The following CCDC117 variants were observed in gnomAD, a reference collection of about 807,000 sequenced individuals.
CCDC117 encodes the protein coiled-coil domain containing 117.
Under a neutral mutation model 23.5 loss-of-function variants are expected in CCDC117, and 1 was observed. That is an observed-to-expected ratio of 0.04 (90% confidence interval 0.02 to 0.20). The LOEUF (loss-of-function observed/expected upper bound fraction) is 0.20, where lower values mean the gene tolerates loss of function less well. CCDC117 is among the 10% of genes least tolerant of loss of function. The pLI is 1.00. For synonymous variants in CCDC117, 132 were observed against 124.8 expected (o/e 1.06, Z -0.39); for missense variants, 383 against 348.2 (o/e 1.10, Z -0.80).
intron 2 of CCDC117, among the ~76,000 whole-genome samples, chr22:28,777,125 G>T (rs1042513241): frequency 6.9e-6 from 1 of 144,698 alleles, no homozygotes; most frequent in African/African-American, 2.6e-5. Flanking sequence ...CACAACCTCT[G>T]CCTCCCGTGT....
chr22:28,772,845 C>G lies in CCDC117; in HGVS notation c.-5C>G. On this transcript the variant is annotated 5_prime_UTR_variant, in exon 1 of 5. Coordinates refer to ENST00000249064, the MANE Select transcript of CCDC117 (RefSeq NM_173510.4). ...CGCCGTCGCAGCCTCCTCGTCTCGC[C>G]GGCTATGGCTGCGCTCGGCCGGCCC... 4 of 1,226,888 alleles carry G rather than the reference C, an allele frequency of 3.3e-6. No homozygotes were observed. The highest frequency in any genetic ancestry group is 4.1e-6 in the Non-Finnish European group (4 of 984,410). 76.0% of individuals were successfully genotyped at this position (1,226,888 alleles called of 1,614,324 possible). A position where few individuals can be genotyped will look rare whatever the true frequency, so the allele number is the denominator to read the frequency against.
At position 28,772,808 on chromosome 22, in the gene CCDC117, G is replaced by A; in HGVS notation, c.-42G>A. ...TGCGGCTGCCGGGCCTGGGGACGCGGGCGGCCGAGGCCGCCGTCGCAGCCT... is the reference window on the plus strand; with the variant it reads ...TGCGGCTGCCGGGCCTGGGGACGCGAGCGGCCGAGGCCGCCGTCGCAGCCT... On this transcript the variant is annotated 5_prime_UTR_variant, in exon 1 of 5. Transcript: ENST00000249064. 3 of 1,218,462 alleles carry A rather than the reference G, an allele frequency of 2.5e-6. No homozygotes were observed. The highest frequency in any genetic ancestry group is 4.1e-5 in the South Asian group (1 of 24,686). 75.5% of individuals were successfully genotyped at this position (1,218,462 alleles called of 1,614,324 possible).
intron 2 of CCDC117, among the ~76,000 whole-genome samples, chr22:28,778,611 C>T (rs2031237582): frequency 6.6e-6 from 1 of 152,154 alleles, no homozygotes; most frequent in African/African-American, 2.4e-5. Context: ...CTGTGGATAA[C>T]ACAGGAAACT....
chr22:28,777,146 C>G (rs562266599), intron 2 of CCDC117, among the ~76,000 whole-genome samples: 26 of 148,694 alleles, frequency 1.7e-4, no homozygotes, highest in African/African-American at 5.9e-4. Context: ...TCAAGTGATT[C>G]TCCTGCCTCA....
chr22:28,781,161 G>C lies in CCDC117; in HGVS notation c.453G>C (p.Glu151Asp). 1 of 1,611,346 alleles carries C rather than the reference G, an allele frequency of 6.2e-7. No individual in the cohort carries two copies. The highest frequency in any genetic ancestry group is 1.1e-5 in the South Asian group (1 of 90,960). ...AAGTTGCCCGAAGGAAGCTTCAGGA[G>C]ATTGAGGACAGGTAAATGGGCAGTG... is the stretch of plus-strand genomic sequence containing the variant. ...QCEVARRKLQ[E>D]IEDRIIDEDE... is the part of the protein sequence containing the mutation. Residue 151 changes from glutamate (E) to aspartate (D), a missense_variant, in exon 3 of 5, where the codon GAG (glutamate) becomes GAC (aspartate). By Grantham distance (45) the Glu-to-Asp change is conservative. Transcript: ENST00000249064.
intron 3 of CCDC117, 130 bp downstream of exon 3, chr22:28,781,302 T>A: frequency 1.9e-6 from 1 of 513,080 alleles, no homozygotes. Context: ...AGTCAGATAA[T>A]TCAAAGTGTA....
intron 2 of CCDC117, among the ~76,000 whole-genome samples, chr22:28,774,930 A>G (rs931105712): frequency 1.3e-5 from 2 of 152,092 alleles, no homozygotes; most frequent in Non-Finnish European, 2.9e-5. Context: ...CTTGTTGCAT[A>G]TCAGCACATA....
intron 2 of CCDC117, 59 bp downstream of exon 2, chr22:28,773,837 A>T: frequency 1.5e-6 from 2 of 1,298,516 alleles, no homozygotes; most frequent in Admixed American, 3.4e-5. Flanking sequence ...CCCCTGTTAT[A>T]GTCTAAATTA....
chr22:28,772,733 GGGGTCGAGAGCGGGA>G lies in CCDC117; in HGVS notation c.-116_-102del, dbSNP rs1267318960. 5.1e-6 allele frequency: 4 copies of G among 789,326 alleles called. No homozygotes were observed. The highest frequency in any genetic ancestry group is 1.8e-5 in the African/African-American group (1 of 55,080). 48.9% of individuals were successfully genotyped at this position (789,326 alleles called of 1,614,324 possible). A position where few individuals can be genotyped will look rare whatever the true frequency, so the allele number is the denominator to read the frequency against. ...TGGAGGGTTCTAGAAGGCGTGACGT[GGGGTCGAGAGCGGGA>G]TCCGAGGCTGGCGGGTTTTGGCAGT... On this transcript the variant is annotated 5_prime_UTR_variant, in exon 1 of 5. Transcript: ENST00000249064.
At chr22:28,783,342 G>C (rs941639995) in intron 3 of CCDC117, among the ~76,000 whole-genome samples, 166 bp from the exon 4 acceptor site, 1 of 152,098 alleles carries the variant, frequency 6.6e-6, no homozygotes, top group Non-Finnish European at 1.5e-5. Context: ...CACCCGGCCT[G>C]AGTATACCTT....
Position 28,772,703 on chromosome 22 carries a change from T to G in CCDC117, c.-147T>G. 1 of 548,494 alleles carries G rather than the reference T, an allele frequency of 1.8e-6. No homozygotes were observed. Among genetic ancestry groups the G allele is most frequent in the Non-Finnish European group, 2.7e-6 (1 of 373,038 alleles). The allele number at this position is 548,494 out of a possible 1,614,324, so 34.0% of individuals were successfully genotyped here. A position where few individuals can be genotyped will look rare whatever the true frequency, so the allele number is the denominator to read the frequency against. ...AATCCCGGCATGCCCCCGAGCGGCC[T>G]GAGGTGGAGGGTTCTAGAAGGCGTG... On this transcript the variant is annotated 5_prime_UTR_variant, in exon 1 of 5. Transcript: ENST00000249064.
intron 2 of CCDC117, among the ~76,000 whole-genome samples, chr22:28,780,296 G>A (rs183805262): frequency 2.6e-5 from 4 of 152,222 alleles, no homozygotes; most frequent in Admixed American, 2.6e-4. Context: ...CATTTTGAAG[G>A]GGACCAAGAA....
At chr22:28,778,356 C>CT (rs2146248054) in intron 2 of CCDC117, among the ~76,000 whole-genome samples, 1 of 152,094 alleles carries the variant, frequency 6.6e-6, no homozygotes, top group African/African-American at 2.4e-5. Flanking sequence ...GCCTGTAATC[C>CT]TAGCACTTTG....
rs1214779989 is a variant in CCDC117, at chr22:28,787,679, T to C, written c.*1353T>C. The C allele has an allele frequency of 1.3e-5, 2 of 152,516 alleles. No individual in the cohort carries two copies. Among genetic ancestry groups the C allele is most frequent in the African/African-American group, 4.8e-5 (2 of 41,424 alleles). The allele number at this position is 152,516 out of a possible 1,614,324, so 9.4% of individuals were successfully genotyped here. On this transcript the variant is annotated 3_prime_UTR_variant, in exon 5 of 5. Coordinates refer to ENST00000249064, the MANE Select transcript of CCDC117 (RefSeq NM_173510.4). ...AGCCAGGTTTGAAATTTTTAGTTTC[T>C]CAGGAAGAGCTCTTCTATGTGGCAG...
chr22:28,785,924 T>TAAAA (rs35631283), intron 4 of CCDC117, among the ~76,000 whole-genome samples, 165 bp from the exon 5 acceptor site: 1 of 136,044 alleles, frequency 7.4e-6, no homozygotes, highest in Non-Finnish European at 1.6e-5. Flanking sequence ...CCCCATCTCT[T>TAAAA]AAAAAAAAAA....
At position 28,779,953 on chromosome 22, in the gene CCDC117, G is replaced by A. The variant is rs577268389; in HGVS notation, c.240-995G>A. ...CAGACAGCTTTCAGCTAAACACTGG[G>A]TATATCGTAGTGCTTGCAAATACTA... On this transcript the variant is annotated intron_variant, in intron 2 of 4. Coordinates refer to ENST00000249064, the MANE Select transcript of CCDC117 (RefSeq NM_173510.4). 3.9e-5 allele frequency among the ~76,000 whole-genome samples: 6 copies of A among 152,310 alleles called. No individual in the cohort carries two copies. The East Asian group carries it at 1.2e-3, about 29-fold the overall frequency.
intron 3 of CCDC117, among the ~76,000 whole-genome samples, chr22:28,782,925 C>G (rs1319607841): frequency 6.6e-6 from 1 of 152,138 alleles, no homozygotes; most frequent in African/African-American, 2.4e-5. Flanking sequence ...TGAGCGTTTT[C>G]ACTTACTGCC....
chr22:28,775,861 C>T (rs2031147718), intron 2 of CCDC117, among the ~76,000 whole-genome samples: 1 of 152,160 alleles, frequency 6.6e-6, no homozygotes, highest in Non-Finnish European at 1.5e-5. Context: ...CGTCCTACCG[C>T]ACTCCAGCCT....
At chr22:28,780,841 C>A in intron 2 of CCDC117, 107 bp from the exon 3 acceptor site, 1 of 777,004 alleles carries the variant, frequency 1.3e-6, no homozygotes, top group South Asian at 1.9e-5. Flanking sequence ...ACACACTTGT[C>A]AAAAAAGCTA....
Sources: allele counts gnomAD v4.1 joint callset (sites outside exome capture counted in the v4.1 genomes callset), GRCh38; gene constraint gnomAD v4.1.1; transcripts MANE v1.5; gene names NCBI Gene and HGNC (gene_info 2026-07-23, HGNC 2026-07-21).